Variants in SNX1 observed in about 807,000 individuals in gnomAD.
SNX1 encodes sorting nexin 1.
A neutral mutation model predicts 71.8 loss-of-function variants in SNX1; 36 were observed. That is an observed-to-expected ratio of 0.50 (90% CI 0.38 to 0.66). The LOEUF is 0.66. Among genes scored for constraint, SNX1 ranks in the 30% least tolerant of loss-of-function variants. The pLI, the probability that SNX1 is intolerant of heterozygous loss-of-function variation, is 0.00. For synonymous variants in SNX1, 254 were observed against 240.7 expected (o/e 1.06, Z -0.51); for missense variants, 612 against 646.7 (o/e 0.95, Z 0.58).
Position 64,140,130 on chromosome 15 carries a change from A to C in SNX1, c.*2512A>C, listed in dbSNP as rs2081398819. ...GGAGATACTTTGAGACTATATAAGT[A>C]TTTTGTTCCTCATTCACCAGTTATA... is the stretch of plus-strand genomic sequence containing the variant. On this transcript the variant is annotated 3_prime_UTR_variant, in exon 15 of 15. Transcript: ENST00000559844. 6.6e-6 allele frequency: 1 copy of C among 152,294 alleles called. No homozygotes were observed. The highest frequency in any genetic ancestry group is 2.1e-4 in the South Asian group (1 of 4,838). The allele number at this position is 152,294 out of a possible 1,614,324, so 9.4% of individuals were successfully genotyped here.
chr15:64,125,376 A>G (rs1249919290), intron 5 of SNX1, among the ~76,000 whole-genome samples: 4 of 150,808 alleles, frequency 2.7e-5, no homozygotes, highest in Admixed American at 2.6e-4. Context: ...GAGACAAGAG[A>G]ATTGCTTGAA....
chr15:64,110,566 T>C (rs1348863902), intron 1 of SNX1, among the ~76,000 whole-genome samples: 2 of 152,074 alleles, frequency 1.3e-5, no homozygotes, highest in Non-Finnish European at 2.9e-5. Context: ...CAGGCTACTT[T>C]AAAAAAAATT....
chr15:64,120,266 C>CTTTTTTTTTTTTTTTTTTTTTTTTTTTT (rs35526278), intron 4 of SNX1, among the ~76,000 whole-genome samples: 2 of 67,090 alleles, frequency 3.0e-5, no homozygotes, highest in Non-Finnish European at 5.6e-5. Context: ...AAATGGTTGT[C>CTTTTTTTTTTTTTTTTTTTTTTTTTTTT]TTTTTTTTTT....
At position 64,134,674 on chromosome 15, in the gene SNX1, A is replaced by G; in HGVS notation, c.1232A>G (p.Asp411Gly). 6.2e-7 allele frequency: 1 copy of G among 1,611,888 alleles called. No homozygotes were observed. The highest frequency in any genetic ancestry group is 8.5e-7 in the Non-Finnish European group (1 of 1,179,166). Residue 411 changes from aspartate (D) to glycine (G), a missense_variant, in exon 12 of 15, where the codon GAC (aspartate) becomes GGC (glycine). Physicochemically the swap from Asp to Gly is moderately conservative, Grantham distance 94. Transcript: ENST00000559844. This position sits in a 1 kb window ranked among gnomAD's most constrained non-coding sequence, Gnocchi z 4.1. The stretch of plus-strand genomic sequence containing the variant: ...ACCCCACCCCCACAGGCTGCCTTCG[A>G]CCAGCGCATGAAGACATGGCAGCGC... Reference protein sequence around the residue: ...RLLAIVRAAFDQRMKTWQRWQ... With the variant: ...RLLAIVRAAFGQRMKTWQRWQ...
At chr15:64,121,605 C>G (rs983679158) in intron 4 of SNX1, among the ~76,000 whole-genome samples, 1 of 152,202 alleles carries the variant, frequency 6.6e-6, no homozygotes, top group Non-Finnish European at 1.5e-5. Context: ...AGATCACATT[C>G]TGAGGAACTG....
At chr15:64,115,563 CTTTTTTT>C in intron 2 of SNX1, 22 of 324,558 alleles carry the variant, frequency 6.8e-5, no homozygotes, top group Admixed American at 2.1e-4. Context: ...CTTCAAAAGG[CTTTTTTT>C]TTTTTTTTTT....
Position 64,126,130 on chromosome 15 carries a change from A to C in SNX1, c.562A>C (p.Ser188Arg). 1.2e-6 allele frequency: 2 copies of C among 1,614,156 alleles called. No individual in the cohort carries two copies. Among genetic ancestry groups the C allele is most frequent in the Non-Finnish European group, 1.7e-6 (2 of 1,180,022 alleles). The change falls in exon 6 of 15, where the codon AGT becomes CGT. Residue 188 changes from serine (S) to arginine (R), a missense_variant. Around this residue, in one of 2 missense-constraint regions of SNX1, gnomAD observed 316 missense variants for 284.9 expected, o/e 1.11. Transcript: ENST00000559844. ...SKQFAVKRRF[S>R]DFLGLYEKLS... is the part of the protein sequence containing the mutation. ...ACAGTTTGCAGTAAAAAGAAGATTT[A>C]GTGACTTTCTGGGTCTTTATGAGAA...
chr15:64,111,732 C>T (rs1314771597), intron 1 of SNX1, among the ~76,000 whole-genome samples: 1 of 152,190 alleles, frequency 6.6e-6, no homozygotes, highest in Admixed American at 6.5e-5. Context: ...ATAAAAGGTT[C>T]CTTAAGCCAG....
Position 64,136,310 on chromosome 15 carries a change from T to G in SNX1, c.1366-20T>G. The G allele has an allele frequency of 6.2e-7, 1 of 1,600,676 alleles. No homozygotes were observed. Among genetic ancestry groups the G allele is most frequent in the Non-Finnish European group, 8.6e-7 (1 of 1,167,768 alleles). On this transcript the variant is annotated intron_variant, in intron 12 of 14. Transcript: ENST00000559844. ...GGTGCCATAATATGAGGTGATCCTT[T>G]CTTTCCTCTTTCTTCCCAGTGGGAG...
At chr15:64,131,136 TAGCC>T (rs1374796545) in intron 10 of SNX1, among the ~76,000 whole-genome samples, 3 of 152,040 alleles carry the variant, frequency 2.0e-5, no homozygotes, top group Non-Finnish European at 4.4e-5. Context: ...TAGAAAAAAT[TAGCC>T]AGGTGTGGTG....
At chr15:64,125,186 G>C (rs1595996663) in intron 5 of SNX1, among the ~76,000 whole-genome samples, 2 of 152,180 alleles carry the variant, frequency 1.3e-5, no homozygotes, top group East Asian at 3.8e-4. Context: ...AATGAGGCTT[G>C]GCGCAGTGGC....
At chr15:64,131,253 T>A (rs1236363601) in intron 10 of SNX1, among the ~76,000 whole-genome samples, 1 of 152,176 alleles carries the variant, frequency 6.6e-6, no homozygotes, top group Non-Finnish European at 1.5e-5. Context: ...ACTGCACTCC[T>A]TTACACAAAG....
chr15:64,127,099 G>T, intron 6 of SNX1, 75 bp from the exon 7 acceptor site: 1 of 1,153,986 alleles, frequency 8.7e-7, no homozygotes, highest in South Asian at 1.3e-5. Context: ...TCCTCCTGTT[G>T]ACACTTAAAA....
Position 64,118,854 on chromosome 15 carries a change from G to C in SNX1, c.466G>C (p.Gly156Arg). Residue 156 changes from glycine to arginine, a missense_variant and splice_region_variant, in exon 4 of 15, where the codon GGG becomes CGG. Gly to Arg is a moderately radical substitution (Grantham distance 125). Transcript: ENST00000559844. ...TVGITDPEKI[G>R]DGMNAYVAYK... ...CGGTATAACTGATCCTGAGAAGATA[G>C]GTAAGTGGTTCTTAGGACTCCTTGT... 1.2e-6 allele frequency: 2 copies of C among 1,611,104 alleles called. No homozygotes were observed. Among genetic ancestry groups the C allele is most frequent in the Non-Finnish European group, 1.7e-6 (2 of 1,177,592 alleles).
Position 64,138,251 on chromosome 15 carries a change from A to G in SNX1, c.*633A>G, listed in dbSNP as rs1014349652. On this transcript the variant is annotated 3_prime_UTR_variant, in exon 15 of 15. Transcript: ENST00000559844. ...TCTTTAGGGAAGGAGTTTTAAAAACATCTCTTAAAATAAGAGGAGCAAAAT... is the reference window on the plus strand; with the variant it reads ...TCTTTAGGGAAGGAGTTTTAAAAACGTCTCTTAAAATAAGAGGAGCAAAAT... The G allele has an allele frequency of 2.8e-6, 4 of 1,445,510 alleles. No homozygotes were observed. The highest frequency in any genetic ancestry group is 3.6e-6 in the Non-Finnish European group (4 of 1,103,038). The allele number at this position is 1,445,510 out of a possible 1,614,324, so 89.5% of individuals were successfully genotyped here. A position where few individuals can be genotyped will look rare whatever the true frequency, so the allele number is the denominator to read the frequency against.
chr15:64,123,409 T>C (rs1284394500), intron 4 of SNX1, 94 bp from the exon 5 acceptor site: 1 of 1,034,816 alleles, frequency 9.7e-7, no homozygotes, highest in Admixed American at 1.8e-5. Flanking sequence ...TTATCCAGGG[T>C]TCCTATGGCT....
At position 64,138,044 on chromosome 15, in the gene SNX1, T is replaced by C; in HGVS notation, c.*426T>C. The stretch of plus-strand genomic sequence containing the variant: ...GAATGTTGGTGGTTTTTGCTTAGGC[T>C]GGGGAGCAGTTGGGAATCAGGTCTG... On this transcript the variant is annotated 3_prime_UTR_variant, in exon 15 of 15. Coordinates refer to ENST00000559844, the MANE Select transcript of SNX1 (RefSeq NM_003099.5). 3 of 1,525,080 alleles carry C rather than the reference T, an allele frequency of 2.0e-6. No individual in the cohort carries two copies. The highest frequency in any genetic ancestry group is 2.6e-6 in the Non-Finnish European group (3 of 1,143,824). The allele number at this position is 1,525,080 out of a possible 1,614,324, so 94.5% of individuals were successfully genotyped here. A position where few individuals can be genotyped will look rare whatever the true frequency, so the allele number is the denominator to read the frequency against.
At chr15:64,135,675 C>T (rs1164138720) in intron 12 of SNX1, among the ~76,000 whole-genome samples, 4 of 149,886 alleles carry the variant, frequency 2.7e-5, no homozygotes, top group Non-Finnish European at 4.4e-5. Flanking sequence ...AGGAGAATCG[C>T]TTGAACCTGG....
intron 1 of SNX1, among the ~76,000 whole-genome samples, chr15:64,104,809 C>G (rs529371380): frequency 2.4e-4 from 36 of 151,246 alleles, no homozygotes; most frequent in Admixed American, 2.4e-3. Context: ...CACTTGAACC[C>G]GGGAGGCAGA....
Sources: gnomAD v4.1 joint callset for allele counts (sites outside exome capture counted in the v4.1 genomes callset) on GRCh38, gnomAD v4.1.1 for gene constraint, gnomAD v4.1.1 regional missense constraint, Gnocchi (gnomAD v3.1) non-coding constraint, MANE v1.5 for transcripts, NCBI Gene and HGNC (gene_info 2026-07-23, HGNC 2026-07-21) for gene names.